The following DTNA variants were observed in gnomAD, a reference collection of about 807,000 sequenced individuals.
DTNA encodes the protein dystrobrevin alpha.
DTNA carries 43 observed loss-of-function variants against 100.7 expected under a neutral mutation model. The ratio of observed to expected loss-of-function variants is 0.43; its 90% CI spans 0.33 to 0.55. The LOEUF (loss-of-function observed/expected upper bound fraction) is 0.55. Ranked by LOEUF, DTNA falls within the 20% of genes least tolerant of loss-of-function variation. The probability of loss-of-function intolerance (pLI) is 0.04; values close to 1 mark genes in which losing one functional copy is unlikely to be tolerated. For missense variants in DTNA, 798 were observed against 953.9 expected (o/e 0.84, Z 2.15); for synonymous variants, 349 against 347.9 (o/e 1.00, Z -0.04).
intron 1 of DTNA, among the ~76,000 whole-genome samples, chr18:34,592,267 G>C (rs1159037711): frequency 6.6e-6 from 1 of 152,090 alleles, no homozygotes; most frequent in Non-Finnish European, 1.5e-5. Flanking sequence ...TGAACATAAA[G>C]AGGTTAGTTA....
chr18:34,656,530 A>G (rs936739464), intron 1 of DTNA, among the ~76,000 whole-genome samples: 2 of 152,194 alleles, frequency 1.3e-5, no homozygotes, highest in African/African-American at 4.8e-5. Flanking sequence ...GTCACGGAGC[A>G]GTCCCCAAAT....
chr18:34,519,608 A>G (rs1013484827), intron 1 of DTNA, among the ~76,000 whole-genome samples: 13 of 152,152 alleles, frequency 8.5e-5, no homozygotes, highest in Non-Finnish European at 1.9e-4. Context: ...TAGTTCCTTT[A>G]TTCCTACAAG....
At chr18:34,604,678 C>T (rs2052631134) in intron 1 of DTNA, among the ~76,000 whole-genome samples, 1 of 152,126 alleles carries the variant, frequency 6.6e-6, no homozygotes, top group South Asian at 2.1e-4. Context: ...GACACCAGAA[C>T]ATAAATCTAA....
At chr18:34,829,117 T>G in intron 10 of DTNA, 1 of 1,614,102 alleles carries the variant, frequency 6.2e-7, no homozygotes, top group Non-Finnish European at 8.5e-7. Flanking sequence ...CTATAATACT[T>G]TGAGCTGTTC....
intron 1 of DTNA, among the ~76,000 whole-genome samples, chr18:34,529,789 G>A (rs1020579304): frequency 2.0e-5 from 3 of 152,108 alleles, no homozygotes; most frequent in Non-Finnish European, 4.4e-5. Context: ...TAACTCACCA[G>A]TATGATGCAG....
intron 3 of DTNA, among the ~76,000 whole-genome samples, chr18:34,774,472 C>T (rs915044279): frequency 6.6e-6 from 1 of 152,234 alleles, no homozygotes; most frequent in African/African-American, 2.4e-5. Flanking sequence ...CCTGGGTTCA[C>T]TCCTCACTGA....
At chr18:34,737,556 G>A (rs2147587605) in intron 1 of DTNA, among the ~76,000 whole-genome samples, 1 of 152,240 alleles carries the variant, frequency 6.6e-6, no homozygotes, top group African/African-American at 2.4e-5. Flanking sequence ...TTAGAGAAAG[G>A]GAGCCTCCCA....
intron 13 of DTNA, among the ~76,000 whole-genome samples, chr18:34,847,276 T>G (rs2096396627): frequency 1.3e-5 from 2 of 152,082 alleles, no homozygotes; most frequent in Non-Finnish European, 2.9e-5. Context: ...TTCTGTAAAT[T>G]TATAGGAGGC....
In DTNA at chr18:34,554,728, C is replaced by T. The variant is rs1439210539; in HGVS notation, c.-2+61214C>T. 1.7e-3 allele frequency among the ~76,000 whole-genome samples: 243 copies of T among 140,100 alleles called. 1 individual carries two copies. The highest frequency in any genetic ancestry group is 6.4e-3 in the African/African-American group (229 of 35,712). 91.9% of individuals were successfully genotyped at this position (140,100 alleles called of 152,430 possible). A position where few individuals can be genotyped will look rare whatever the true frequency, so the allele number is the denominator to read the frequency against. ...CCTTGCATCCCAGGGATGAAGCCCA[C>T]TTGATCATGGTGGATAAGCTTTTTG... is the stretch of plus-strand genomic sequence containing the variant. On this transcript the variant is annotated intron_variant, in intron 1 of 19. Transcript: ENST00000283365.
At chr18:34,859,664 G>A (rs1036869098) in intron 16 of DTNA, among the ~76,000 whole-genome samples, 9 of 152,296 alleles carry the variant, frequency 5.9e-5, no homozygotes, top group Admixed American at 2.0e-4. Context: ...GGAAAGGCGA[G>A]GTTTTCCTTT....
At chr18:34,671,160 A>G (rs1034267027) in intron 1 of DTNA, among the ~76,000 whole-genome samples, 9 of 152,128 alleles carry the variant, frequency 5.9e-5, no homozygotes, top group African/African-American at 2.2e-4. Flanking sequence ...GCCACCTTAT[A>G]GTTGGATCTC....
chr18:34,595,365 GT>G (rs550415016), intron 1 of DTNA, among the ~76,000 whole-genome samples: 2 of 150,964 alleles, frequency 1.3e-5, no homozygotes, highest in African/African-American at 2.4e-5. Flanking sequence ...TGGGATTTGG[GT>G]TTTTTTTCAG....
At position 34,889,613 on chromosome 18, in the gene DTNA, C is replaced by T. The variant is rs138455778; in HGVS notation, c.*1879C>T. 8 of 985,366 alleles carry T rather than the reference C, an allele frequency of 8.1e-6. No individual in the cohort carries two copies. The highest frequency in any genetic ancestry group is 1.1e-4 in the East Asian group (1 of 8,814). The allele number at this position is 985,366 out of a possible 1,614,324, so 61.0% of individuals were successfully genotyped here. A position where few individuals can be genotyped will look rare whatever the true frequency, so the allele number is the denominator to read the frequency against. ...GCCCCCTCTGCAGAGGGCGGCTGTA[C>T]GATGTTCACATGTCTGCGTTTGGTC... On this transcript the variant is annotated 3_prime_UTR_variant, in exon 23 of 23. Transcript: ENST00000444659.
At chr18:34,617,262 A>G (rs973423580) in intron 1 of DTNA, among the ~76,000 whole-genome samples, 3 of 152,156 alleles carry the variant, frequency 2.0e-5, no homozygotes, top group Non-Finnish European at 4.4e-5. Context: ...TGGGTTTGTT[A>G]TAGATGGCTC....
intron 6 of DTNA, 100 bp downstream of exon 6, chr18:34,812,213 G>A (rs1482513514): frequency 2.0e-6 from 3 of 1,523,686 alleles, no homozygotes; most frequent in East Asian, 2.3e-5. Flanking sequence ...AAATTATTCT[G>A]TGTGATAGCA....
chr18:34,750,732 T>G (rs1601411835), intron 1 of DTNA, among the ~76,000 whole-genome samples: 1 of 152,184 alleles, frequency 6.6e-6, no homozygotes, highest in South Asian at 2.1e-4. Flanking sequence ...TTATAATCTT[T>G]AAGAAGTTAT....
intron 16 of DTNA, 26 bp downstream of exon 16, chr18:34,858,424 C>T (rs1256429679): frequency 1.9e-6 from 3 of 1,605,412 alleles, no homozygotes; most frequent in Non-Finnish European, 2.6e-6. Flanking sequence ...CATGTCATCT[C>T]AGGGAATATA....
chr18:34,740,727 T>A (rs568033850), intron 1 of DTNA, among the ~76,000 whole-genome samples: 1 of 151,604 alleles, frequency 6.6e-6, no homozygotes, highest in South Asian at 2.1e-4. Context: ...GCCCAGGAGG[T>A]CAAGGCTGCA....
chr18:34,825,675 A>G (rs1429804318), intron 9 of DTNA, among the ~76,000 whole-genome samples: 1 of 152,214 alleles, frequency 6.6e-6, no homozygotes, highest in African/African-American at 2.4e-5. Context: ...GACCTTAAAC[A>G]AAGCCATTTG....
Sources: allele counts gnomAD v4.1 joint callset (sites outside exome capture counted in the v4.1 genomes callset), GRCh38; gene constraint gnomAD v4.1.1; transcripts MANE v1.5; gene names NCBI Gene and HGNC (gene_info 2026-07-23, HGNC 2026-07-21).